Variants in CSNK1G1 observed in about 807,000 individuals in gnomAD.
CSNK1G1 encodes the protein casein kinase 1 gamma 1, also known as casein kinase I isoform gamma-1.
A neutral mutation model predicts 59.6 loss-of-function variants in CSNK1G1; 22 were observed. The observed-to-expected ratio is 0.37, with a 90% CI of 0.26 to 0.53. The LOEUF is 0.53. Ranked by LOEUF, CSNK1G1 falls within the 20% of genes least tolerant of loss-of-function variation. The pLI is 0.89. For synonymous variants in CSNK1G1, 179 were observed against 177.1 expected, an observed-to-expected ratio of 1.01 and a Z score of -0.08; for missense variants, 384 against 519.5, an observed-to-expected ratio of 0.74 and a Z score of 2.54.
rs1895250638 is a variant in CSNK1G1, at chr15:64,300,186, A to G, written c.181+133T>C. ...ATAATGACTATAGTGCCCCTTCACA[A>G]ATTATTTCTTAACAACAGGTTCTCC... On this transcript the variant is annotated intron_variant, in intron 2 of 11. Coordinates refer to ENST00000303052, the MANE Select transcript of CSNK1G1 (RefSeq NM_022048.5). 5.0e-6 allele frequency: 4 copies of G among 807,728 alleles called. No homozygotes were observed. The Admixed American group carries it at 6.9e-5, about 14-fold the overall frequency. The allele number at this position is 807,728 out of a possible 1,614,324, so 50.0% of individuals were successfully genotyped here.
intron 11 of CSNK1G1, among the ~76,000 whole-genome samples, chr15:64,178,711 A>T (rs182353356): frequency 6.6e-6 from 1 of 151,592 alleles, no homozygotes; most frequent in African/African-American, 2.4e-5. Flanking sequence ...CAATCTCTTG[A>T]CCTTGTGATC....
intron 2 of CSNK1G1, among the ~76,000 whole-genome samples, chr15:64,282,040 G>A (rs1566932521): frequency 6.6e-6 from 1 of 151,204 alleles, no homozygotes; most frequent in Non-Finnish European, 1.5e-5. Flanking sequence ...TCTCACTTTA[G>A]CCTCCCAAGT....
intron 3 of CSNK1G1, among the ~76,000 whole-genome samples, chr15:64,257,993 C>T (rs1168215552): frequency 6.6e-6 from 1 of 152,176 alleles, no homozygotes; most frequent in Non-Finnish European, 1.5e-5. Flanking sequence ...GTCCACCCAC[C>T]CCTTTGTAGG....
chr15:64,264,006 A>G lies in CSNK1G1; in HGVS notation c.182-4765T>C, dbSNP rs1203708221. Among the ~76,000 whole-genome samples, 5 of 152,324 alleles carry G rather than the reference A, an allele frequency of 3.3e-5. No individual in the cohort carries two copies. The East Asian group carries it at 9.6e-4, about 29-fold the overall frequency. On this transcript the variant is annotated intron_variant, in intron 2 of 11. Transcript: ENST00000303052. ...AATTCATCTTTTTATCCCTAGAAAC[A>G]AACATAGTATCTGACATTCAGTAGG...
intron 5 of CSNK1G1, among the ~76,000 whole-genome samples, chr15:64,215,204 C>CTTTTTTTT (rs11343127): frequency 2.4e-5 from 2 of 81,728 alleles, no homozygotes; most frequent in Non-Finnish European, 4.2e-5. Context: ...TTTCTACTAA[C>CTTTTTTTT]TTTTTTTTTT....
At chr15:64,278,674 G>A (rs1288586668) in intron 2 of CSNK1G1, among the ~76,000 whole-genome samples, 3 of 152,048 alleles carry the variant, frequency 2.0e-5, no homozygotes, top group Non-Finnish European at 2.9e-5. Flanking sequence ...TGATCTGCCC[G>A]CCTTGGCCTC....
intron 1 of CSNK1G1, among the ~76,000 whole-genome samples, chr15:64,303,778 C>T (rs975060778): frequency 4.0e-5 from 6 of 150,822 alleles, no homozygotes; most frequent in Admixed American, 1.3e-4. Flanking sequence ...AATAGCTGGG[C>T]ATGGTGGCGC....
At chr15:64,258,287 G>C (rs889393700) in intron 3 of CSNK1G1, among the ~76,000 whole-genome samples, 3 of 151,918 alleles carry the variant, frequency 2.0e-5, no homozygotes, top group Non-Finnish European at 2.9e-5. Context: ...GCAGACTGAA[G>C]TGGGAAGATT....
At chr15:64,192,844 A>T (rs2081990372) in intron 10 of CSNK1G1, among the ~76,000 whole-genome samples, 2 of 111,252 alleles carry the variant, frequency 1.8e-5, no homozygotes, top group East Asian at 4.3e-4. Context: ...TCTGCCTAAA[A>T]AAAAAAAAAA....
intron 1 of CSNK1G1, among the ~76,000 whole-genome samples, chr15:64,349,979 C>T (rs1426096881): frequency 2.0e-5 from 3 of 149,702 alleles, no homozygotes; most frequent in African/African-American, 7.4e-5. Flanking sequence ...ACTATGTGCA[C>T]ACATTTAGAT....
chr15:64,265,979 T>C (rs1892961908), intron 2 of CSNK1G1: 1 of 336,574 alleles, frequency 3.0e-6, no homozygotes, highest in Non-Finnish European at 6.0e-6. Context: ...AGCTAGTAGG[T>C]AGACTGAGAT....
At chr15:64,281,416 A>T (rs1894124461) in intron 2 of CSNK1G1, among the ~76,000 whole-genome samples, 1 of 152,158 alleles carries the variant, frequency 6.6e-6, no homozygotes, top group Non-Finnish European at 1.5e-5. Flanking sequence ...GACCAGTCTG[A>T]GCAACATAGT....
intron 1 of CSNK1G1, among the ~76,000 whole-genome samples, chr15:64,303,526 T>C (rs1596248235): frequency 1.3e-5 from 2 of 150,816 alleles, no homozygotes; most frequent in South Asian, 2.1e-4. Context: ...CCAAGGCGGG[T>C]GGATCACCTG....
chr15:64,271,160 G>A (rs951393712), intron 2 of CSNK1G1, among the ~76,000 whole-genome samples: 4 of 151,928 alleles, frequency 2.6e-5, no homozygotes, highest in Admixed American at 2.0e-4. Flanking sequence ...GCTAATTTTT[G>A]TATTTTTAGT....
At chr15:64,193,433 C>T (rs1339150112) in intron 10 of CSNK1G1, among the ~76,000 whole-genome samples, 1 of 148,770 alleles carries the variant, frequency 6.7e-6, no homozygotes, top group African/African-American at 2.5e-5. Flanking sequence ...GCGGAGGTTG[C>T]ATGAGCCGAG....
chr15:64,263,642 A>G (rs953576267), intron 2 of CSNK1G1, among the ~76,000 whole-genome samples: 2 of 152,150 alleles, frequency 1.3e-5, no homozygotes, highest in Non-Finnish European at 2.9e-5. Flanking sequence ...CCTATCTGGT[A>G]TATTTTATAG....
rs1435482507 is a variant in CSNK1G1 at position 64,200,450 on chromosome 15, A to G, written c.1107+2632T>C. 6.6e-6 allele frequency among the ~76,000 whole-genome samples: 1 copy of G among 151,236 alleles called. No individual in the cohort carries two copies. The highest frequency in any genetic ancestry group is 1.5e-5 in the Non-Finnish European group (1 of 67,792). The stretch of plus-strand genomic sequence containing the variant: ...AACCTCCACCTCCCAGGTTCAAGTG[A>G]CTCTCCTGCCTCAGCCTCCTGAGTA... On this transcript the variant is annotated intron_variant, in intron 10 of 11. Coordinates refer to ENST00000303052, the MANE Select transcript of CSNK1G1 (RefSeq NM_022048.5). This position sits in a 1 kb window ranked among gnomAD's most constrained non-coding sequence, Gnocchi z 4.3.
At chr15:64,329,701 A>T (rs1461519014) in intron 1 of CSNK1G1, among the ~76,000 whole-genome samples, 4 of 58,904 alleles carry the variant, frequency 6.8e-5, no homozygotes, top group Non-Finnish European at 1.0e-4. Flanking sequence ...AAATAGAGAC[A>T]CAAAAAACCC....
rs78360659 is a variant in CSNK1G1 at position 64,210,573 on chromosome 15, C to T, written c.680-2979G>A. Among the ~76,000 whole-genome samples, 389 of 152,232 alleles carry T rather than the reference C, an allele frequency of 2.6e-3. 8 individuals are homozygous for T. In the East Asian group the frequency reaches 0.05, roughly 20 times the overall value. On this transcript the variant is annotated intron_variant, in intron 6 of 11. Coordinates refer to ENST00000303052, the MANE Select transcript of CSNK1G1 (RefSeq NM_022048.5). This position sits in a 1 kb window ranked among gnomAD's most constrained non-coding sequence, Gnocchi z 4.2. Reference sequence around the variant, plus strand: ...GTTGAAAGGTGTGCTTTCATCCAATCAGAAAGATGTGCTTGGTTTACATGC... The same window carrying T: ...GTTGAAAGGTGTGCTTTCATCCAATTAGAAAGATGTGCTTGGTTTACATGC...
Sources: allele counts gnomAD v4.1 joint callset (sites outside exome capture counted in the v4.1 genomes callset), GRCh38; gene constraint gnomAD v4.1.1; non-coding constraint Gnocchi (gnomAD v3.1); transcripts MANE v1.5; gene names NCBI Gene and HGNC (gene_info 2026-07-23, HGNC 2026-07-21).